The following NR1D2 variants were observed in gnomAD, a reference collection of about 807,000 sequenced individuals.
NR1D2 encodes the protein V-erbA-related protein 1-related.
NR1D2 carries 25 observed loss-of-function variants against 52.2 expected under a neutral mutation model. The observed-to-expected ratio is 0.48, with a 90% CI of 0.35 to 0.67. The LOEUF is 0.67. Among genes scored for constraint, NR1D2 ranks in the 30% least tolerant of loss-of-function variants. The pLI is 0.01. For synonymous variants in NR1D2, 259 were observed against 230.1 expected (o/e 1.13, Z -1.14); for missense variants, 681 against 707.2 (o/e 0.96, Z 0.42).
chr3:23,951,282 G>A (rs1705924336), intron 1 of NR1D2, among the ~76,000 whole-genome samples: 2 of 152,146 alleles, frequency 1.3e-5, no homozygotes, highest in Non-Finnish European at 2.9e-5. Flanking sequence ...GAAAATGGGG[G>A]CCCTAGGAAA....
chr3:23,956,901 TATG>T (rs1228571594), intron 3 of NR1D2, among the ~76,000 whole-genome samples: 1 of 152,116 alleles, frequency 6.6e-6, no homozygotes, highest in African/African-American at 2.4e-5. Context: ...TTTGGCGAGA[TATG>T]ATGGGTAAAC....
At chr3:23,975,833 A>G (rs1468746442) in intron 7 of NR1D2, among the ~76,000 whole-genome samples, 2 of 151,950 alleles carry the variant, frequency 1.3e-5, no homozygotes, top group Non-Finnish European at 2.9e-5. Context: ...TTTGCCCTTT[A>G]CTATTAAATT....
At chr3:23,952,290 G>T (rs750470571) in intron 1 of NR1D2, among the ~76,000 whole-genome samples, 1 of 152,198 alleles carries the variant, frequency 6.6e-6, no homozygotes, top group Non-Finnish European at 1.5e-5. Context: ...GAGCAGATTT[G>T]CACCTCTCAC....
chr3:23,972,457 C>T (rs1559338394), intron 7 of NR1D2, among the ~76,000 whole-genome samples: 1 of 152,144 alleles, frequency 6.6e-6, no homozygotes, highest in Non-Finnish European at 1.5e-5. Context: ...GGAATTATAC[C>T]TGGAAGGTAA....
chr3:23,979,434 T>C lies in NR1D2; in HGVS notation c.*2015T>C, dbSNP rs141833564. On this transcript the variant is annotated 3_prime_UTR_variant, in exon 8 of 8. Coordinates refer to ENST00000312521, the MANE Select transcript of NR1D2 (RefSeq NM_005126.5). ...CTCAAAAGATCATGTTGATTCTTAA[T>C]TTTTGCCTTTTGCATAAGCCTCTTT... The C allele has an allele frequency of 1.3e-4, 20 of 152,246 alleles. No homozygotes were observed. The highest frequency in any genetic ancestry group is 4.6e-4 in the African/African-American group (19 of 41,588). 9.4% of individuals were successfully genotyped at this position (152,246 alleles called of 1,614,324 possible).
intron 4 of NR1D2, 131 bp from the exon 5 acceptor site, chr3:23,961,846 C>T (rs1706255421): frequency 2.4e-6 from 2 of 819,504 alleles, no homozygotes; most frequent in Non-Finnish European, 3.6e-6. Flanking sequence ...AAAATGTGGA[C>T]CAGAGACATG....
At chr3:23,974,959 C>T (rs1706684484) in intron 7 of NR1D2, among the ~76,000 whole-genome samples, 1 of 151,798 alleles carries the variant, frequency 6.6e-6, no homozygotes, top group Non-Finnish European at 1.5e-5. Flanking sequence ...GCTGGGATTA[C>T]AGATGCCAAT....
At chr3:23,963,191 T>C (rs1450536658) in intron 5 of NR1D2, 4 of 1,082,204 alleles carry the variant, frequency 3.7e-6, no homozygotes, top group Non-Finnish European at 3.8e-6. Flanking sequence ...AGCTTTTCTA[T>C]TTTTCCATCA....
chr3:23,946,813 C>T (rs1248075316), intron 1 of NR1D2, among the ~76,000 whole-genome samples: 1 of 152,210 alleles, frequency 6.6e-6, no homozygotes, highest in East Asian at 1.9e-4. Context: ...TGCAACGGAA[C>T]AACAGGGTGC....
chr3:23,949,114 C>T (rs774110914), intron 1 of NR1D2, among the ~76,000 whole-genome samples: 23 of 152,090 alleles, frequency 1.5e-4, no homozygotes, highest in Non-Finnish European at 2.6e-4. Flanking sequence ...GCCTGTAATC[C>T]TAGCAATCTG....
intron 6 of NR1D2, among the ~76,000 whole-genome samples, chr3:23,967,482 G>A (rs1305199525): frequency 6.6e-6 from 1 of 152,040 alleles, no homozygotes; most frequent in Non-Finnish European, 1.5e-5. Context: ...TGGGCGTGGT[G>A]GCGCACACCT....
chr3:23,961,389 C>CTTTTTTTTTTTTTTT (rs869108010), intron 4 of NR1D2, among the ~76,000 whole-genome samples: 3 of 76,010 alleles, frequency 3.9e-5, no homozygotes, highest in African/African-American at 5.4e-5. Flanking sequence ...CTTTTTCTTT[C>CTTTTTTTTTTTTTTT]TTTTTTTTTT....
chr3:23,946,805 C>T (rs1705737483), intron 1 of NR1D2, among the ~76,000 whole-genome samples: 1 of 152,174 alleles, frequency 6.6e-6, no homozygotes, highest in Non-Finnish European at 1.5e-5. Context: ...TGTTACATTG[C>T]AACGGAACAA....
chr3:23,955,861 AG>A (rs1311388515), intron 2 of NR1D2, among the ~76,000 whole-genome samples, 175 bp from the exon 3 acceptor site: 2 of 152,344 alleles, frequency 1.3e-5, no homozygotes, highest in Non-Finnish European at 2.9e-5. Context: ...AAACACCGTA[AG>A]AAAATTATGA....
At chr3:23,973,195 AT>A (rs944562849) in intron 7 of NR1D2, among the ~76,000 whole-genome samples, 2 of 152,216 alleles carry the variant, frequency 1.3e-5, no homozygotes, top group African/African-American at 2.4e-5. Flanking sequence ...ATTACTAATC[AT>A]ATGATTGAAA....
intron 1 of NR1D2, among the ~76,000 whole-genome samples, chr3:23,952,236 T>C (rs1559330080): frequency 6.6e-6 from 1 of 152,104 alleles, no homozygotes; most frequent in African/African-American, 2.4e-5. Flanking sequence ...TAAGGTGAGA[T>C]GCACATAGCA....
rs150707682 is a variant in NR1D2 at position 23,962,355 on chromosome 3, A to G, written c.896A>G (p.Asp299Gly). 43 of 1,614,052 alleles carry G rather than the reference A, an allele frequency of 2.7e-5. No individual in the cohort carries two copies. Among genetic ancestry groups the G allele is most frequent in the Admixed American group, 5.0e-5 (3 of 60,012 alleles). The change falls in exon 5 of 8, where the codon GAT becomes GGT. Residue 299 changes from aspartate (D) to glycine (G), a missense_variant. Asp to Gly is a moderately conservative substitution (Grantham distance 94). This residue lies in a region of NR1D2 where 475 missense variants were observed against 454.5 expected (regional missense o/e 1.05). Transcript: ENST00000312521. Reference sequence around the variant, plus strand: ...ATGGAGCAATATAATTTAAATCATGATCATTGCGGCAATGGGCTTAGCAGC... The same window carrying G: ...ATGGAGCAATATAATTTAAATCATGGTCATTGCGGCAATGGGCTTAGCAGC... ...KNMEQYNLNH[D>G]HCGNGLSSHF...
intron 7 of NR1D2, among the ~76,000 whole-genome samples, chr3:23,976,330 G>A (rs115611384): frequency 6.6e-6 from 1 of 152,160 alleles, no homozygotes; most frequent in Non-Finnish European, 1.5e-5. Context: ...TAATCTCACA[G>A]TTTTTGAGGG....
intron 1 of NR1D2, among the ~76,000 whole-genome samples, chr3:23,950,726 T>C (rs891869207): frequency 2.6e-5 from 4 of 152,164 alleles, no homozygotes; most frequent in African/African-American, 9.7e-5. Flanking sequence ...GAATTGGATC[T>C]TCGCTGGATT....
Sources: allele counts gnomAD v4.1 joint callset (sites outside exome capture counted in the v4.1 genomes callset), GRCh38; gene constraint gnomAD v4.1.1; regional missense constraint gnomAD v4.1.1; transcripts MANE v1.5; gene names NCBI Gene and HGNC (gene_info 2026-07-23, HGNC 2026-07-21).